CCDC73: variants seen among roughly 807,000 people sequenced by gnomAD.
CCDC73 encodes coiled-coil domain containing 73, also known as coiled-coil domain-containing protein 73.
CCDC73 carries 95 observed loss-of-function variants against 116.5 expected under a neutral mutation model. That is an observed-to-expected ratio of 0.82 (90% CI 0.69 to 0.97). CCDC73 has a LOEUF of 0.97. CCDC73 is among the 50% of genes least tolerant of loss of function. The pLI, the probability that CCDC73 is intolerant of heterozygous loss-of-function variation, is 0.00. For synonymous variants in CCDC73, 398 were observed against 401.3 expected (o/e 0.99, Z 0.10); for missense variants, 1,066 against 1,206.8 (o/e 0.88, Z 1.73).
Position 32,614,261 on chromosome 11 carries a change from A to C in CCDC73, c.2057T>G (p.Leu686Arg). ...ILLSKQTSDF[L>R]QVCNDTLEKS... ...CTCTAAAGTATCATTACAGACTTGC[A>C]GAAAATCTGAAGTTTGTTTAGAAAG... is the stretch of plus-strand genomic sequence containing the variant. The change falls in exon 16 of 18, where the codon CTG (leucine) becomes CGG (arginine). Residue 686 changes from leucine (L) to arginine (R), a missense_variant. By Grantham distance (102) the Leu-to-Arg change is moderately radical. Transcript: ENST00000335185. 1 of 1,613,710 alleles carries C rather than the reference A, an allele frequency of 6.2e-7. No individual in the cohort carries two copies. Among genetic ancestry groups the C allele is most frequent in the East Asian group, 2.2e-5 (1 of 44,830 alleles).
chr11:32,676,088 T>C (rs1354974425), intron 7 of CCDC73, 67 bp from the exon 8 acceptor site: 19 of 1,305,702 alleles, frequency 1.5e-5, no homozygotes, highest in Non-Finnish European at 1.7e-5. Flanking sequence ...ACAACAAATA[T>C]GTAAAATATA....
chr11:32,610,960 T>C (rs1855416504), intron 17 of CCDC73, among the ~76,000 whole-genome samples, 172 bp downstream of exon 17: 1 of 152,214 alleles, frequency 6.6e-6, no homozygotes, highest in Non-Finnish European at 1.5e-5. Flanking sequence ...CACTGTGACT[T>C]TTTCCTGCTG....
chr11:32,643,535 AC>A (rs1425718595), intron 12 of CCDC73, among the ~76,000 whole-genome samples: 1 of 152,114 alleles, frequency 6.6e-6, no homozygotes, highest in Non-Finnish European at 1.5e-5. Context: ...TATGCTACAA[AC>A]CTGTACAGCA....
intron 2 of CCDC73, among the ~76,000 whole-genome samples, chr11:32,736,063 A>C (rs369345515): frequency 2.0e-5 from 3 of 152,032 alleles, no homozygotes; most frequent in African/African-American, 7.2e-5. Flanking sequence ...AACCCTAGAA[A>C]AAAACCTAGG....
intron 2 of CCDC73, among the ~76,000 whole-genome samples, chr11:32,748,538 T>C (rs552868810): frequency 1.1e-4 from 16 of 152,206 alleles, no homozygotes; most frequent in Non-Finnish European, 1.9e-4. Context: ...TAGTTATTAT[T>C]TTTAATTGGT....
chr11:32,728,463 C>A (rs1850047971), intron 2 of CCDC73, among the ~76,000 whole-genome samples: 1 of 151,978 alleles, frequency 6.6e-6, no homozygotes, highest in Admixed American at 6.6e-5. Flanking sequence ...CTGCAAGATG[C>A]CCAGCCCTGA....
At chr11:32,676,952 C>T (rs892804500) in intron 7 of CCDC73, among the ~76,000 whole-genome samples, 11 of 152,184 alleles carry the variant, frequency 7.2e-5, no homozygotes, top group Admixed American at 2.6e-4. Context: ...ACTACTCTTA[C>T]CATACCTGCG....
intron 3 of CCDC73, among the ~76,000 whole-genome samples, chr11:32,716,950 T>C (rs1162352642): frequency 1.3e-5 from 2 of 152,238 alleles, no homozygotes; most frequent in African/African-American, 4.8e-5. Flanking sequence ...AACTTTACAT[T>C]TTAAAATCTG....
At chr11:32,713,147 T>G (rs1849916740) in intron 3 of CCDC73, among the ~76,000 whole-genome samples, 1 of 152,126 alleles carries the variant, frequency 6.6e-6, no homozygotes, top group Admixed American at 6.6e-5. Flanking sequence ...GTAATCTTGT[T>G]TGTTGATAGG....
chr11:32,729,870 G>C (rs1850060053), intron 2 of CCDC73, among the ~76,000 whole-genome samples: 1 of 152,104 alleles, frequency 6.6e-6, no homozygotes, highest in African/African-American at 2.4e-5. Context: ...TAGTATACCT[G>C]TAGTTTCAGA....
At chr11:32,809,985 C>A in the CCDC73 span, among the ~76,000 whole-genome samples, 1 of 152,216 alleles carries the variant, frequency 6.6e-6, no homozygotes, top group Non-Finnish European at 1.5e-5. Flanking sequence ...ATAAATGTTA[C>A]TTACTCAAAG....
intron 13 of CCDC73, among the ~76,000 whole-genome samples, chr11:32,637,017 CTTTTTTTTTTTTTT>C (rs71063750): frequency 9.0e-4 from 79 of 87,962 alleles, no homozygotes; most frequent in Admixed American, 2.4e-3. Flanking sequence ...TTTTCTTTTT[CTTTTTTTTTTTTTT>C]TTTTTTGAGA....
At chr11:32,645,187 C>A (rs1855766282) in intron 12 of CCDC73, among the ~76,000 whole-genome samples, 1 of 152,118 alleles carries the variant, frequency 6.6e-6, no homozygotes, top group Non-Finnish European at 1.5e-5. Flanking sequence ...CAGTAATACC[C>A]ACAGAACTGT....
chr11:32,685,932 G>A (rs995620667), intron 6 of CCDC73, among the ~76,000 whole-genome samples: 1 of 151,874 alleles, frequency 6.6e-6, no homozygotes, highest in Non-Finnish European at 1.5e-5. Context: ...ATGTTAGCCA[G>A]GATGGTCTCG....
chr11:32,800,831 A>G, the CCDC73 span, among the ~76,000 whole-genome samples: 1 of 152,234 alleles, frequency 6.6e-6, no homozygotes, highest in East Asian at 1.9e-4. Flanking sequence ...ACCATTTAAT[A>G]AAATGGAGGA....
At chr11:32,752,137 A>G (rs1850292135) in intron 2 of CCDC73, among the ~76,000 whole-genome samples, 1 of 152,186 alleles carries the variant, frequency 6.6e-6, no homozygotes, top group Non-Finnish European at 1.5e-5. Context: ...AAAAAGCCCC[A>G]GTGTGAGAGT....
intron 3 of CCDC73, 118 bp downstream of exon 3, chr11:32,717,958 A>G: frequency 3.1e-6 from 2 of 654,200 alleles, no homozygotes; most frequent in East Asian, 2.8e-5. Context: ...GCATGGGGAA[A>G]CTGCCCAAAT....
intron 9 of CCDC73, among the ~76,000 whole-genome samples, chr11:32,660,111 G>T (rs1855908436): frequency 6.6e-6 from 1 of 151,800 alleles, no homozygotes; most frequent in Non-Finnish European, 1.5e-5. Context: ...ATTACAGATT[G>T]CTTAGAATAC....
chr11:32,669,071 CA>C (rs1856012921), intron 9 of CCDC73, among the ~76,000 whole-genome samples: 1 of 151,876 alleles, frequency 6.6e-6, no homozygotes, highest in Non-Finnish European at 1.5e-5. Flanking sequence ...GAAAAATATT[CA>C]AAAACATGAG....
Sources: allele counts gnomAD v4.1 joint callset (sites outside exome capture counted in the v4.1 genomes callset), GRCh38; gene constraint gnomAD v4.1.1; transcripts MANE v1.5; gene names NCBI Gene and HGNC (gene_info 2026-07-23, HGNC 2026-07-21).